HSDL2: variants seen among roughly 807,000 people sequenced by gnomAD.
HSDL2 encodes hydroxysteroid dehydrogenase-like protein 2.
In HSDL2, 27 loss-of-function variants were observed where a neutral mutation model predicts 46.3. That is an observed-to-expected ratio of 0.58 (90% CI 0.43 to 0.80). The LOEUF (loss-of-function observed/expected upper bound fraction) is 0.80. Among genes scored for constraint, HSDL2 ranks in the 30% least tolerant of loss-of-function variants. The pLI is 0.00. For synonymous variants in HSDL2, 153 were observed against 163.6 expected (o/e 0.94, Z 0.50); for missense variants, 451 against 502.7 (o/e 0.90, Z 0.98).
chr9:112,443,719 G>A (rs1187995456), intron 8 of HSDL2, among the ~76,000 whole-genome samples: 1 of 152,196 alleles, frequency 6.6e-6, no homozygotes, highest in East Asian at 1.9e-4. Flanking sequence ...AACAGAGCAA[G>A]ACCCTGTCTC....
At chr9:112,383,915 T>C (rs912128980) in intron 1 of HSDL2, among the ~76,000 whole-genome samples, 1 of 152,188 alleles carries the variant, frequency 6.6e-6, no homozygotes, top group East Asian at 1.9e-4. Context: ...TTGCCCAGGC[T>C]GGTCTCAAAC....
intron 1 of HSDL2, among the ~76,000 whole-genome samples, chr9:112,399,765 C>T (rs571149703): frequency 2.6e-5 from 4 of 152,224 alleles, no homozygotes; most frequent in African/African-American, 7.2e-5. Context: ...TCTTTTTGCC[C>T]GATGCCGCAG....
rs3032131 is a variant in HSDL2, at chr9:112,462,600, A to ATGTG, written c.1144+3061_1144+3064dup. Among the ~76,000 whole-genome samples the ATGTG allele has an allele frequency of 1.4e-3, 209 of 146,726 alleles. No individual in the cohort carries two copies. The East Asian group carries it at 0.015, about 10-fold the overall frequency. ...AATATTACTTTACCTGAGGAGGGGG[A>ATGTG]TGTGTGTGTGTGTGTGTGTGTGTGT... On this transcript the variant is annotated intron_variant, in intron 10 of 10. Coordinates refer to ENST00000398805, the MANE Select transcript of HSDL2 (RefSeq NM_032303.5).
At chr9:112,442,194 G>A (rs950975406) in intron 8 of HSDL2, among the ~76,000 whole-genome samples, 2 of 149,482 alleles carry the variant, frequency 1.3e-5, no homozygotes, top group African/African-American at 2.5e-5. Flanking sequence ...ACCTGATCCC[G>A]GGAAGTTGAA....
intron 6 of HSDL2, among the ~76,000 whole-genome samples, chr9:112,436,339 C>T (rs1308455442): frequency 6.6e-6 from 1 of 151,488 alleles, no homozygotes; most frequent in Non-Finnish European, 1.5e-5. Context: ...CAAGAAATTC[C>T]CTAAATTAAT....
chr9:112,430,769 T>C (rs1397551502), intron 6 of HSDL2, among the ~76,000 whole-genome samples: 1 of 151,960 alleles, frequency 6.6e-6, no homozygotes, highest in Non-Finnish European at 1.5e-5. Flanking sequence ...TTCTGGAAAA[T>C]AGCCTGGTGC....
chr9:112,465,359 C>T (rs760490585), intron 10 of HSDL2, among the ~76,000 whole-genome samples: 8 of 152,280 alleles, frequency 5.3e-5, no homozygotes, highest in Non-Finnish European at 1.2e-4. Flanking sequence ...GAACTCCTGA[C>T]CTCAGGCAAT....
chr9:112,457,133 GC>G, intron 9 of HSDL2, among the ~76,000 whole-genome samples: 1 of 152,174 alleles, frequency 6.6e-6, no homozygotes, highest in South Asian at 2.1e-4. Flanking sequence ...GGGCAACAGA[GC>G]GAGACTCTGA....
chr9:112,403,966 C>A (rs1831664675), intron 1 of HSDL2, 29 bp from the exon 2 acceptor site: 2 of 1,598,876 alleles, frequency 1.3e-6, no homozygotes, highest in Admixed American at 1.7e-5. Flanking sequence ...ATTGGGTCTT[C>A]TAATAAGGTC....
rs138163729 is a variant in HSDL2, at chr9:112,397,758, A to G, written c.18-6237A>G. 8.3e-4 allele frequency among the ~76,000 whole-genome samples: 127 copies of G among 152,336 alleles called. No individual in the cohort carries two copies. In the East Asian group the frequency reaches 0.021, roughly 25 times the overall value. On this transcript the variant is annotated intron_variant, in intron 1 of 10. Transcript: ENST00000398805. ...TGGAGTTAGAACAGCTTTTGCCAAA[A>G]GGTCCCAGTCTAAAGGAAGCAAAAT... is the stretch of plus-strand genomic sequence containing the variant.
At chr9:112,423,959 C>T (rs534327578) in intron 6 of HSDL2, among the ~76,000 whole-genome samples, 1 of 151,782 alleles carries the variant, frequency 6.6e-6, no homozygotes, top group East Asian at 2.0e-4. Context: ...GATGATCCTC[C>T]TGCCTTGGCC....
At chr9:112,466,922 T>C (rs560305495) in intron 10 of HSDL2, among the ~76,000 whole-genome samples, 7 of 152,362 alleles carry the variant, frequency 4.6e-5, no homozygotes, top group South Asian at 4.1e-4. Context: ...ATTTGTTGAA[T>C]AGACTGTTCT....
At chr9:112,402,962 C>G (rs974390185) in intron 1 of HSDL2, among the ~76,000 whole-genome samples, 1 of 151,676 alleles carries the variant, frequency 6.6e-6, no homozygotes, top group Non-Finnish European at 1.5e-5. Context: ...AAAAAACACA[C>G]ACACACACAC....
At chr9:112,428,433 A>G (rs1832300856) in intron 6 of HSDL2, among the ~76,000 whole-genome samples, 2 of 152,156 alleles carry the variant, frequency 1.3e-5, no homozygotes, top group Admixed American at 6.5e-5. Flanking sequence ...TGCAGTGGGG[A>G]AAAAGATGAG....
chr9:112,432,385 T>C (rs1266815692), intron 6 of HSDL2, among the ~76,000 whole-genome samples: 3 of 152,196 alleles, frequency 2.0e-5, no homozygotes, highest in Non-Finnish European at 4.4e-5. Flanking sequence ...TGAAAACTTC[T>C]TGAGGATAGG....
At chr9:112,440,112 C>G (rs952735792) in intron 7 of HSDL2, among the ~76,000 whole-genome samples, 9 of 152,102 alleles carry the variant, frequency 5.9e-5, no homozygotes, top group African/African-American at 2.2e-4. Flanking sequence ...TCAGGTCTTC[C>G]GGGTCCTGGT....
intron 6 of HSDL2, among the ~76,000 whole-genome samples, chr9:112,436,010 C>T (rs930679589): frequency 1.3e-5 from 2 of 151,664 alleles, no homozygotes; most frequent in Non-Finnish European, 2.9e-5. Context: ...CACGGTGGCT[C>T]ACACCTGTAA....
At chr9:112,426,084 A>C (rs576049598) in intron 6 of HSDL2, among the ~76,000 whole-genome samples, 1 of 152,234 alleles carries the variant, frequency 6.6e-6, no homozygotes, top group East Asian at 1.9e-4. Flanking sequence ...ATTAGTATTT[A>C]AAATTATTCA....
At chr9:112,406,237 G>A (rs1044426504) in intron 3 of HSDL2, among the ~76,000 whole-genome samples, 2 of 152,024 alleles carry the variant, frequency 1.3e-5, no homozygotes, top group Non-Finnish European at 2.9e-5. Context: ...GGGATGCAAG[G>A]GGGGTAGATG....
Sources: gnomAD v4.1 joint callset for allele counts (sites outside exome capture counted in the v4.1 genomes callset) on GRCh38, gnomAD v4.1.1 for gene constraint, MANE v1.5 for transcripts, NCBI Gene and HGNC (gene_info 2026-07-23, HGNC 2026-07-21) for gene names.